The following TC2N variants were observed in gnomAD, a reference collection of about 807,000 sequenced individuals.
The protein encoded by TC2N is tandem C2 domains, nuclear.
Under a neutral mutation model 61.9 loss-of-function variants are expected in TC2N, and 51 were observed. That is an observed-to-expected ratio of 0.82 (90% CI 0.66 to 1.04). The LOEUF is 1.04. Ranked by LOEUF, TC2N falls within the 50% of genes least tolerant of loss-of-function variation. The pLI, the probability that TC2N is intolerant of heterozygous loss-of-function variation, is 0.00. For missense variants in TC2N, 556 were observed against 566.7 expected, an observed-to-expected ratio of 0.98 and a Z score of 0.19; for synonymous variants, 204 against 192.6, an observed-to-expected ratio of 1.06 and a Z score of -0.49.
chr14:91,837,415 T>C lies in TC2N; in HGVS notation c.-56-23590A>G, dbSNP rs932257958. On this transcript the variant is annotated intron_variant, in intron 1 of 11. Coordinates refer to ENST00000435962, the MANE Select transcript of TC2N (RefSeq NM_001128596.3). The surrounding 1 kb of genome is among the most constrained non-coding windows in gnomAD (Gnocchi z 4.2). ...TTTAATTTTTTGTAGAGATGAAGTC[T>C]TATTATATGGCCCAGGCTAGTCTTG... 6.6e-6 allele frequency among the ~76,000 whole-genome samples: 1 copy of C among 152,132 alleles called. No homozygotes were observed. The highest frequency in any genetic ancestry group is 1.5e-5 in the Non-Finnish European group (1 of 68,030).
chr14:91,866,378 T>C (rs7155616), intron 1 of TC2N: 34,033 of 152,158 alleles, frequency 0.22, 4,045 homozygotes, highest in African/African-American at 0.31. Context: ...TTGTGCCAAT[T>C]AGAAAGTGTT....
chr14:91,840,326 A>G (rs985873695), intron 1 of TC2N, among the ~76,000 whole-genome samples: 2 of 152,222 alleles, frequency 1.3e-5, no homozygotes, highest in African/African-American at 4.8e-5. Flanking sequence ...AGATTACATT[A>G]AACATACCAA....
At chr14:91,825,638 CTCTT>C (rs1269788967) in intron 1 of TC2N, among the ~76,000 whole-genome samples, 3 of 152,164 alleles carry the variant, frequency 2.0e-5, no homozygotes, top group Non-Finnish European at 4.4e-5. Flanking sequence ...ACACACCATT[CTCTT>C]TTTTACTTTT....
intron 1 of TC2N, among the ~76,000 whole-genome samples, chr14:91,859,049 G>A (rs1290476809): frequency 2.0e-5 from 3 of 152,124 alleles, no homozygotes; most frequent in Non-Finnish European, 4.4e-5. Context: ...GAGCCACCTC[G>A]GGATACTGGG....
chr14:91,864,204 A>G (rs781003289), intron 1 of TC2N, among the ~76,000 whole-genome samples: 2 of 152,108 alleles, frequency 1.3e-5, no homozygotes, highest in Non-Finnish European at 2.9e-5. Flanking sequence ...TTCCCTGGCT[A>G]TTGTTTTAAG....
chr14:91,781,493 G>T lies in TC2N; in HGVS notation c.*1607C>A, dbSNP rs1885129678. The T allele has an allele frequency of 6.6e-6, 1 of 151,948 alleles. No individual in the cohort carries two copies. The highest frequency in any genetic ancestry group is 2.4e-5 in the African/African-American group (1 of 41,380). The allele number at this position is 151,948 out of a possible 1,614,324, so 9.4% of individuals were successfully genotyped here. Reference sequence around the variant, plus strand: ...TGGGAGGCTGTTGAGGGCTTTGTCAGGGGAGAAAGGAAATCTCTATCTTCC... The same window carrying T: ...TGGGAGGCTGTTGAGGGCTTTGTCATGGGAGAAAGGAAATCTCTATCTTCC... On this transcript the variant is annotated 3_prime_UTR_variant, in exon 12 of 12. Transcript: ENST00000435962.
chr14:91,799,155 C>T (rs1432923461), intron 5 of TC2N, 91 bp from the exon 6 acceptor site: 7 of 750,756 alleles, frequency 9.3e-6, no homozygotes, highest in African/African-American at 5.7e-5. Context: ...TAGTAACAAA[C>T]TGCATGCTAA....
intron 1 of TC2N, among the ~76,000 whole-genome samples, chr14:91,834,660 T>A (rs150354232): frequency 8.9e-4 from 135 of 152,254 alleles, no homozygotes; most frequent in Non-Finnish European, 1.4e-3. Flanking sequence ...AAAGCCCCCA[T>A]CCTAACTTCC....
intron 1 of TC2N, among the ~76,000 whole-genome samples, chr14:91,838,227 C>G (rs1482132927): frequency 6.7e-6 from 1 of 150,270 alleles, no homozygotes; most frequent in African/African-American, 2.5e-5. Context: ...ACTGCTGTCT[C>G]AAACTCCTGG....
intron 1 of TC2N, among the ~76,000 whole-genome samples, chr14:91,858,140 T>TTTC (rs140102612): frequency 0.012 from 1,496 of 128,996 alleles, 291 homozygotes; most frequent in Middle Eastern, 0.036. Context: ...TGATTCTTTC[T>TTTC]TTCTTCTTCT....
At chr14:91,836,626 A>AGGCGGGGAG (rs1888029889) in intron 1 of TC2N, 2 of 141,730 alleles carry the variant, frequency 1.4e-5, no homozygotes, top group Admixed American at 6.9e-5. Flanking sequence ...GGGGCGAGGC[A>AGGCGGGGAG]GGGCGGGGCA....
chr14:91,822,373 G>A (rs72705315), intron 1 of TC2N, among the ~76,000 whole-genome samples: 3 of 152,194 alleles, frequency 2.0e-5, no homozygotes, highest in East Asian at 3.9e-4. Context: ...TAATTATGCT[G>A]GGCAAAAGAA....
Position 91,800,276 on chromosome 14 carries a change from T to G in TC2N, c.561+5A>C. On this transcript the variant is annotated splice_donor_5th_base_variant and intron_variant, in intron 5 of 11. Transcript: ENST00000435962. ...CATATAATTAAATTTATGTAGATAA[T>G]TCACCTGGATGAATCGCTGAGATGA... 1.3e-6 allele frequency: 2 copies of G among 1,553,632 alleles called. No homozygotes were observed. Among genetic ancestry groups the G allele is most frequent in the Non-Finnish European group, 1.8e-6 (2 of 1,138,766 alleles).
intron 2 of TC2N, among the ~76,000 whole-genome samples, 196 bp from the exon 3 acceptor site, chr14:91,812,741 C>T (rs1186478526): frequency 6.6e-6 from 1 of 151,896 alleles, no homozygotes; most frequent in South Asian, 2.1e-4. Context: ...TAATACACTA[C>T]TGTTAAAGTG....
Position 91,780,510 on chromosome 14 carries a change from A to G in TC2N, c.*2590T>C, listed in dbSNP as rs982950775. 1 of 152,218 alleles carries G rather than the reference A, an allele frequency of 6.6e-6. No individual in the cohort carries two copies. Among genetic ancestry groups the G allele is most frequent in the African/African-American group, 2.4e-5 (1 of 41,450 alleles). The allele number at this position is 152,218 out of a possible 1,614,324, so 9.4% of individuals were successfully genotyped here. A position where few individuals can be genotyped will look rare whatever the true frequency, so the allele number is the denominator to read the frequency against. ...CTGCTTTTAAAAATCATGCAAAACA[A>G]AAGCCAAATAGTGATGTTATATTTT... On this transcript the variant is annotated 3_prime_UTR_variant, in exon 12 of 12. Transcript: ENST00000435962.
At chr14:91,854,172 G>A (rs1000692888) in intron 1 of TC2N, among the ~76,000 whole-genome samples, 1 of 152,048 alleles carries the variant, frequency 6.6e-6, no homozygotes, top group African/African-American at 2.4e-5. Flanking sequence ...CTCTAAGAAA[G>A]CCATAGGGTT....
chr14:91,791,186 G>T (rs1885631828), intron 9 of TC2N, among the ~76,000 whole-genome samples: 2 of 128,934 alleles, frequency 1.6e-5, no homozygotes, highest in Admixed American at 1.5e-4. Flanking sequence ...AGGAGGGGAG[G>T]GGAGGGGAGG....
intron 1 of TC2N, among the ~76,000 whole-genome samples, chr14:91,832,926 C>T (rs1248259846): frequency 6.6e-6 from 1 of 152,188 alleles, no homozygotes; most frequent in Non-Finnish European, 1.5e-5. Context: ...TACAACACAT[C>T]AGCATGAAGG....
At chr14:91,824,226 T>G (rs1887390597) in intron 1 of TC2N, among the ~76,000 whole-genome samples, 1 of 152,198 alleles carries the variant, frequency 6.6e-6, no homozygotes. Flanking sequence ...TAGGCACCCC[T>G]GAGGTAAATG....
Sources: gnomAD v4.1 joint callset for allele counts (sites outside exome capture counted in the v4.1 genomes callset) on GRCh38, gnomAD v4.1.1 for gene constraint, Gnocchi (gnomAD v3.1) non-coding constraint, MANE v1.5 for transcripts, NCBI Gene and HGNC (gene_info 2026-07-23, HGNC 2026-07-21) for gene names.